IMMP2L: variants seen among roughly 807,000 people sequenced by gnomAD.
IMMP2L encodes the protein mitochondrial inner membrane protease subunit 2.
In IMMP2L, 18 loss-of-function variants were observed where a neutral mutation model predicts 19.3. That is an observed-to-expected ratio of 0.93 (90% CI 0.64 to 1.38). The LOEUF (loss-of-function observed/expected upper bound fraction) is 1.38, where lower values mean the gene tolerates loss of function less well. Among genes scored for constraint, IMMP2L ranks in the 40% most tolerant of loss-of-function variants. IMMP2L has a pLI of 0.00. For synonymous variants in IMMP2L, 76 were observed against 73.0 expected (o/e 1.04, Z -0.21); for missense variants, 233 against 218.2 (o/e 1.07, Z -0.43).
rs568773578 is a variant in IMMP2L at position 111,395,369 on chromosome 7, A to G, written c.239+91869T>C. Among the ~76,000 whole-genome samples the G allele has an allele frequency of 9.5e-4, 145 of 152,334 alleles. 1 individual carries two copies. The highest frequency in any genetic ancestry group is 2.9e-3 in the South Asian group (14 of 4,824). On this transcript the variant is annotated intron_variant, in intron 3 of 5. Transcript: ENST00000405709. Reference sequence around the variant, plus strand: ...TACCATAATTAGAAAGCAATCAATAAAAAATTTTAGTCCAATTTTGTTCGT... The same window carrying G: ...TACCATAATTAGAAAGCAATCAATAGAAAATTTTAGTCCAATTTTGTTCGT...
At chr7:111,464,857 C>T (rs1840470507) in intron 3 of IMMP2L, among the ~76,000 whole-genome samples, 1 of 152,074 alleles carries the variant, frequency 6.6e-6, no homozygotes, top group African/African-American at 2.4e-5. Flanking sequence ...GGTGCGACCT[C>T]GCCTCACTGC....
At chr7:110,903,767 C>T (rs146789810) in intron 4 of IMMP2L, among the ~76,000 whole-genome samples, 42 of 150,756 alleles carry the variant, frequency 2.8e-4, no homozygotes, top group Middle Eastern at 3.4e-3. Flanking sequence ...TATAGTAGCT[C>T]TGTTTTCACT....
intron 3 of IMMP2L, among the ~76,000 whole-genome samples, chr7:111,406,957 A>G (rs914010544): frequency 4.6e-5 from 7 of 152,040 alleles, no homozygotes; most frequent in Non-Finnish European, 8.8e-5. Context: ...GTTTTTGAAA[A>G]TTATCCCACA....
chr7:110,974,597 T>C (rs1820500171), intron 3 of IMMP2L, among the ~76,000 whole-genome samples: 2 of 152,120 alleles, frequency 1.3e-5, no homozygotes, highest in African/African-American at 4.8e-5. Flanking sequence ...TCCCACCCTT[T>C]ATCAGTTCTT....
chr7:110,858,717 AG>A (rs1196823847), intron 5 of IMMP2L, among the ~76,000 whole-genome samples: 1 of 151,978 alleles, frequency 6.6e-6, no homozygotes, highest in Non-Finnish European at 1.5e-5. Flanking sequence ...CTCGTCATTT[AG>A]CATTAGGTAT....
intron 3 of IMMP2L, among the ~76,000 whole-genome samples, chr7:111,310,364 A>C (rs1481577689): frequency 1.3e-5 from 2 of 151,870 alleles, no homozygotes; most frequent in African/African-American, 4.8e-5. Context: ...AGAACCTCTC[A>C]TTTTCAATTT....
chr7:111,050,524 TGTTA>T, intron 3 of IMMP2L, among the ~76,000 whole-genome samples: 1 of 152,226 alleles, frequency 6.6e-6, no homozygotes, highest in Non-Finnish European at 1.5e-5. Flanking sequence ...GGTATGTTAA[TGTTA>T]AATGGTCTTG....
chr7:111,501,300 C>T (rs996719195), intron 2 of IMMP2L, among the ~76,000 whole-genome samples: 1 of 152,090 alleles, frequency 6.6e-6, no homozygotes, highest in African/African-American at 2.4e-5. Context: ...ACAAACAAAG[C>T]CTCCAAGAAA....
chr7:111,432,279 T>C (rs2131696929), intron 3 of IMMP2L, among the ~76,000 whole-genome samples: 1 of 151,796 alleles, frequency 6.6e-6, no homozygotes, highest in East Asian at 1.9e-4. Flanking sequence ...TTGATGATTG[T>C]TGTGGTGTTA....
In IMMP2L at chr7:111,562,177, CA is replaced by C. The variant is rs1371591214; in HGVS notation, c.-330del. On this transcript the variant is annotated 5_prime_UTR_variant, in exon 1 of 6. Coordinates refer to ENST00000405709, the MANE Select transcript of IMMP2L (RefSeq NM_032549.4). ...TGTGCCGCCTGTGGCGCCGGTTTCTCAACCTAGTTAGCCAGTGGCACCAAGA... is the reference window on the plus strand; with the variant it reads ...TGTGCCGCCTGTGGCGCCGGTTTCTCACCTAGTTAGCCAGTGGCACCAAGA... The C allele has an allele frequency of 6.6e-6, 1 of 152,370 alleles. No individual in the cohort carries two copies. Among genetic ancestry groups the C allele is most frequent in the African/African-American group, 2.4e-5 (1 of 41,460 alleles). The allele number at this position is 152,370 out of a possible 1,614,324, so 9.4% of individuals were successfully genotyped here.
intron 4 of IMMP2L, among the ~76,000 whole-genome samples, chr7:110,942,781 A>C (rs975916964): frequency 3.3e-5 from 5 of 151,930 alleles, no homozygotes; most frequent in African/African-American, 9.6e-5. Context: ...AGTAGAAAGA[A>C]GGCTACAAAA....
At chr7:110,900,629 A>G (rs1197601131) in intron 4 of IMMP2L, among the ~76,000 whole-genome samples, 3 of 152,194 alleles carry the variant, frequency 2.0e-5, no homozygotes, top group Non-Finnish European at 4.4e-5. Context: ...TTTGGCTTAC[A>G]AGCCCTGTAT....
At chr7:111,324,089 T>C (rs571722104) in intron 3 of IMMP2L, among the ~76,000 whole-genome samples, 4 of 152,146 alleles carry the variant, frequency 2.6e-5, no homozygotes, top group African/African-American at 9.6e-5. Flanking sequence ...CATGTATACA[T>C]ATGTAATTAA....
intron 2 of IMMP2L, among the ~76,000 whole-genome samples, chr7:111,498,285 T>C (rs919574108): frequency 2.6e-5 from 4 of 152,156 alleles, no homozygotes; most frequent in East Asian, 1.9e-4. Flanking sequence ...TTCTAATTTA[T>C]AGTTCTAATT....
chr7:111,524,489 C>T (rs1453279240), intron 1 of IMMP2L, among the ~76,000 whole-genome samples: 2 of 151,542 alleles, frequency 1.3e-5, no homozygotes, highest in Non-Finnish European at 3.0e-5. Flanking sequence ...ATAATAATTC[C>T]AGGGTAGTGT....
chr7:111,561,251 G>T (rs1368488057), intron 1 of IMMP2L, among the ~76,000 whole-genome samples: 3 of 152,156 alleles, frequency 2.0e-5, no homozygotes, highest in African/African-American at 7.2e-5. Context: ...TGGAATGCTT[G>T]CCAGGAGGTA....
chr7:111,086,068 T>C (rs1205983660), intron 3 of IMMP2L, among the ~76,000 whole-genome samples: 2 of 152,008 alleles, frequency 1.3e-5, no homozygotes, highest in African/African-American at 4.8e-5. Context: ...CCCCGCCCCA[T>C]GCCCCATGTT....
intron 3 of IMMP2L, among the ~76,000 whole-genome samples, chr7:111,178,458 A>C (rs2129610490): frequency 6.6e-6 from 1 of 152,064 alleles, no homozygotes; most frequent in South Asian, 2.1e-4. Context: ...GAAAACCATA[A>C]AGTCTGCCCT....
intron 4 of IMMP2L, among the ~76,000 whole-genome samples, chr7:110,930,902 G>A (rs1815403715): frequency 6.6e-6 from 1 of 152,154 alleles, no homozygotes; most frequent in Admixed American, 6.5e-5. Context: ...TTATCCTTTA[G>A]TACCCAGCAA....
Sources: gnomAD v4.1 joint callset for allele counts (sites outside exome capture counted in the v4.1 genomes callset) on GRCh38, gnomAD v4.1.1 for gene constraint, MANE v1.5 for transcripts, NCBI Gene and HGNC (gene_info 2026-07-23, HGNC 2026-07-21) for gene names.